Variants in SH3BP4 observed in about 807,000 individuals in gnomAD.
The protein encoded by SH3BP4 is SH3 domain-binding protein 4.
A neutral mutation model predicts 65.5 loss-of-function variants in SH3BP4; 33 were observed. The observed-to-expected ratio is 0.50, with a 90% confidence interval of 0.38 to 0.67. The LOEUF (loss-of-function observed/expected upper bound fraction) is 0.67, where lower values mean the gene tolerates loss of function less well. SH3BP4 is among the 30% of genes least tolerant of loss of function. The probability of loss-of-function intolerance (pLI) is 0.00; values close to 1 mark genes in which losing one functional copy is unlikely to be tolerated. For missense variants in SH3BP4, 1,134 were observed against 1,261.4 expected (o/e 0.90, Z 1.53); for synonymous variants, 552 against 545.5 (o/e 1.01, Z -0.17).
At chr2:234,989,111 G>T (rs1011278891) in intron 1 of SH3BP4, among the ~76,000 whole-genome samples, 1 of 152,140 alleles carries the variant, frequency 6.6e-6, no homozygotes, top group Admixed American at 6.5e-5. Flanking sequence ...TAAATTGGTT[G>T]TCTCGGAGTG....
At position 235,034,425 on chromosome 2, in the gene SH3BP4, G is replaced by A. The variant is rs1057415955; in HGVS notation, c.-132-446G>A. Among the ~76,000 whole-genome samples the A allele has an allele frequency of 3.9e-5, 6 of 152,142 alleles. No homozygotes were observed. The highest frequency in any genetic ancestry group is 6.5e-5 in the Admixed American group (1 of 15,274). On this transcript the variant is annotated intron_variant, in intron 2 of 5. Coordinates refer to ENST00000392011, the MANE Select transcript of SH3BP4 (RefSeq NM_014521.3). This position sits in a 1 kb window ranked among gnomAD's most constrained non-coding sequence, Gnocchi z 6.2. ...TCATTGATGGCTGCTTCCCGGGGCCGAGTCACCATGATGACTGCCCCTGCG... is the reference window on the plus strand; with the variant it reads ...TCATTGATGGCTGCTTCCCGGGGCCAAGTCACCATGATGACTGCCCCTGCG...
At chr2:235,036,907 A>C (rs1218674154) in intron 3 of SH3BP4, among the ~76,000 whole-genome samples, 1 of 151,922 alleles carries the variant, frequency 6.6e-6, no homozygotes, top group Non-Finnish European at 1.5e-5. Context: ...GGTGGACAGA[A>C]CCATGGGATC....
At chr2:235,036,949 A>G (rs1193056428) in intron 3 of SH3BP4, among the ~76,000 whole-genome samples, 2 of 151,904 alleles carry the variant, frequency 1.3e-5, no homozygotes, top group Non-Finnish European at 2.9e-5. Flanking sequence ...TGGGGAATCT[A>G]CCTCCGAGGC....
chr2:235,008,934 A>C (rs1574815434), intron 2 of SH3BP4, among the ~76,000 whole-genome samples: 1 of 152,168 alleles, frequency 6.6e-6, no homozygotes, highest in East Asian at 1.9e-4. Context: ...CCACACCAGC[A>C]CAACACCGGG....
chr2:235,002,672 G>C (rs1376637422), intron 2 of SH3BP4, among the ~76,000 whole-genome samples: 1 of 152,234 alleles, frequency 6.6e-6, no homozygotes, highest in African/African-American at 2.4e-5. Flanking sequence ...GCTGCAGTGA[G>C]CTGTGATCAC....
chr2:234,965,142 TGAATCATTGAAG>T (rs1692807266), intron 1 of SH3BP4, among the ~76,000 whole-genome samples: 1 of 152,196 alleles, frequency 6.6e-6, no homozygotes, highest in Non-Finnish European at 1.5e-5. Flanking sequence ...AGCTGACGGT[TGAATCATTGAAG>T]GAGTCACAGC....
At chr2:234,973,652 GAT>G (rs1693066277) in intron 1 of SH3BP4, among the ~76,000 whole-genome samples, 1 of 130,252 alleles carries the variant, frequency 7.7e-6, no homozygotes, top group Admixed American at 7.6e-5. Context: ...GTAAAGCCTG[GAT>G]TTTTTTTTTT....
intron 3 of SH3BP4, among the ~76,000 whole-genome samples, chr2:235,038,347 A>ATT (rs1279822557): frequency 1.5e-4 from 1 of 6,608 alleles, no homozygotes; most frequent in African/African-American, 1.9e-4. Context: ...TAGTATATAT[A>ATT]TTTTATATAT....
In SH3BP4 at chr2:235,053,748, GTGAACTCCC is replaced by G; in HGVS notation, c.2827_2835del (p.Asn943_Leu945del). The G allele has an allele frequency of 6.2e-7, 1 of 1,614,198 alleles. No homozygotes were observed. Among genetic ancestry groups the G allele is most frequent in the East Asian group, 2.2e-5 (1 of 44,866 alleles). On this transcript the variant is annotated inframe_deletion, in exon 6 of 6. Coordinates refer to ENST00000392011, the MANE Select transcript of SH3BP4 (RefSeq NM_014521.3). ...GCACCTCACTGGGACTCTGATCTTG[GTGAACTCCC>G]TGGACGTTCTGAGAGCAGCCGCCTT...
intron 2 of SH3BP4, among the ~76,000 whole-genome samples, chr2:235,010,982 C>T (rs1396842969): frequency 6.8e-6 from 1 of 147,744 alleles, no homozygotes; most frequent in Non-Finnish European, 1.5e-5. Flanking sequence ...TCTAGGAGAA[C>T]CCTTCCTGTC....
At position 234,974,726 on chromosome 2, in the gene SH3BP4, G is replaced by T. The variant is rs559642097; in HGVS notation, c.-206-20577G>T. ...TCTCTTAGTTCCGAAAAATCGAGGG[G>T]TTCCTTGCCAGCTTCTCTGGCTCCT... On this transcript the variant is annotated intron_variant, in intron 1 of 5. Transcript: ENST00000392011. The surrounding 1 kb of genome is among the most constrained non-coding windows in gnomAD (Gnocchi z 4.6). Among the ~76,000 whole-genome samples, 34 of 152,304 alleles carry T rather than the reference G, an allele frequency of 2.2e-4. No homozygotes were observed. The highest frequency in any genetic ancestry group is 7.9e-4 in the African/African-American group (33 of 41,562).
chr2:234,979,814 CTGGAGGA>C (rs1693307451), intron 1 of SH3BP4: 1 of 30,020 alleles, frequency 3.3e-5, no homozygotes, highest in South Asian at 9.2e-4. Context: ...GCAGATGACC[CTGGAGGA>C]CCCCTCCCCC....
intron 1 of SH3BP4, among the ~76,000 whole-genome samples, chr2:234,990,812 A>C (rs979312200): frequency 1.3e-5 from 2 of 152,234 alleles, no homozygotes; most frequent in African/African-American, 4.8e-5. Flanking sequence ...GATGAGTGTC[A>C]GCAGGGCTGG....
intron 3 of SH3BP4, among the ~76,000 whole-genome samples, chr2:235,036,997 T>TCAC (rs1695407708): frequency 6.6e-6 from 1 of 152,070 alleles, no homozygotes; most frequent in South Asian, 2.1e-4. Flanking sequence ...GCCAGAAGCT[T>TCAC]CACGCACATC....
At chr2:234,968,779 C>T (rs931904058) in intron 1 of SH3BP4, among the ~76,000 whole-genome samples, 2 of 152,170 alleles carry the variant, frequency 1.3e-5, no homozygotes, top group African/African-American at 4.8e-5. Context: ...TGGATGTTTC[C>T]GTTGCTTTGC....
In SH3BP4 at chr2:235,052,842, C is replaced by A. The variant is rs867053795; in HGVS notation, c.2667+92C>A. 5.4e-4 allele frequency: 694 copies of A among 1,276,950 alleles called. 7 individuals carry two copies. In the South Asian group the frequency reaches 9.9e-3, roughly 18 times the overall value. 79.1% of individuals were successfully genotyped at this position (1,276,950 alleles called of 1,614,324 possible). A position where few individuals can be genotyped will look rare whatever the true frequency, so the allele number is the denominator to read the frequency against. The stretch of plus-strand genomic sequence containing the variant: ...TGCAGCCATAAAAAGTCTTGCCTCG[C>A]GGCATTTCTGTGAGGGTGCAACAGG... On this transcript the variant is annotated intron_variant, in intron 5 of 5. Coordinates refer to ENST00000392011, the MANE Select transcript of SH3BP4 (RefSeq NM_014521.3). The surrounding 1 kb of genome is among the most constrained non-coding windows in gnomAD (Gnocchi z 5.0).
chr2:235,013,619 A>G (rs930284334), intron 2 of SH3BP4, among the ~76,000 whole-genome samples: 16 of 152,190 alleles, frequency 1.1e-4, no homozygotes, highest in Middle Eastern at 3.2e-3. Context: ...AGAGCTCCCA[A>G]TGTAACTGTT....
At chr2:234,995,227 G>C (rs1482847054) in intron 1 of SH3BP4, 76 bp from the exon 2 acceptor site, 1 of 152,386 alleles carries the variant, frequency 6.6e-6, no homozygotes, top group Non-Finnish European at 1.5e-5. Context: ...ATGTGAAGGG[G>C]CCCTGGCGGG....
intron 2 of SH3BP4, among the ~76,000 whole-genome samples, chr2:235,009,304 C>T (rs193081211): frequency 1.2e-4 from 19 of 152,292 alleles, no homozygotes; most frequent in Admixed American, 5.9e-4. Context: ...CAGTTGTCCC[C>T]TCCACTTCCA....
Sources: allele counts gnomAD v4.1 joint callset (sites outside exome capture counted in the v4.1 genomes callset), GRCh38; gene constraint gnomAD v4.1.1; non-coding constraint Gnocchi (gnomAD v3.1); transcripts MANE v1.5; gene names NCBI Gene and HGNC (gene_info 2026-07-23, HGNC 2026-07-21).